SDK1: variants seen among roughly 807,000 people sequenced by gnomAD.
SDK1 encodes the protein sidekick cell adhesion molecule 1.
In SDK1, 157 loss-of-function variants were observed where a neutral mutation model predicts 245.5. The observed-to-expected ratio is 0.64, with a 90% CI of 0.56 to 0.73. The LOEUF (loss-of-function observed/expected upper bound fraction) is 0.73, where lower values mean the gene tolerates loss of function less well. SDK1 is among the 30% of genes least tolerant of loss of function. The pLI is 0.00. For synonymous variants in SDK1, 1,647 were observed against 1,278.5 expected (o/e 1.29, Z -6.15); for missense variants, 3,583 against 3,002.3 (o/e 1.19, Z -4.52).
At chr7:3,627,209 G>A (rs1475987168) in intron 2 of SDK1, among the ~76,000 whole-genome samples, 4 of 152,140 alleles carry the variant, frequency 2.6e-5, no homozygotes, top group Admixed American at 6.5e-5. Flanking sequence ...GATTACAGGC[G>A]TGAGCTGCCA....
In SDK1 at chr7:3,971,518, C is replaced by T; in HGVS notation, c.1767C>T (p.Thr589=). 2 of 1,613,712 alleles carry T rather than the reference C, an allele frequency of 1.2e-6. No homozygotes were observed. Among genetic ancestry groups the T allele is most frequent in the Non-Finnish European group, 1.7e-6 (2 of 1,179,860 alleles). ...AGGACCACGTGGTGATTAAGGGGAC[C>T]ACGGCCACGCTGCACTGTGGTGCCA... ...PPEDHVVIKG[T]TATLHCGATH... is the part of the protein sequence containing the mutation. Residue 589 remains threonine (T), a synonymous_variant, in exon 12 of 45, where the codon ACC becomes ACT. Coordinates refer to ENST00000404826, the MANE Select transcript of SDK1 (RefSeq NM_152744.4).
intron 4 of SDK1, among the ~76,000 whole-genome samples, chr7:3,728,900 C>A (rs1442627172): frequency 6.6e-6 from 1 of 151,956 alleles, no homozygotes; most frequent in African/African-American, 2.4e-5. Flanking sequence ...CCGCACTGGA[C>A]CAACAGTGGC....
At chr7:3,696,186 A>G (rs539640225) in intron 4 of SDK1, among the ~76,000 whole-genome samples, 6 of 151,982 alleles carry the variant, frequency 3.9e-5, no homozygotes, top group African/African-American at 1.4e-4. Flanking sequence ...CTTAAATCTT[A>G]TTGCCACTCT....
intron 19 of SDK1, among the ~76,000 whole-genome samples, chr7:4,057,068 G>C (rs1179079624): frequency 6.6e-6 from 1 of 152,160 alleles, no homozygotes; most frequent in Non-Finnish European, 1.5e-5. Context: ...GGCACCCTGA[G>C]GTCAGACTCT....
chr7:3,354,142 G>A (rs1045800597), intron 1 of SDK1, among the ~76,000 whole-genome samples: 10 of 151,770 alleles, frequency 6.6e-5, no homozygotes, highest in East Asian at 1.9e-4. Flanking sequence ...GGGACTGCAG[G>A]CACCCGCCAC....
intron 22 of SDK1, among the ~76,000 whole-genome samples, chr7:4,093,626 G>A (rs141339312): frequency 1.4e-3 from 217 of 152,320 alleles, no homozygotes; most frequent in Admixed American, 2.6e-3. Context: ...TGGAGCAGCC[G>A]GGCGCCCAGG....
chr7:3,670,348 A>G (rs979724993), intron 4 of SDK1, among the ~76,000 whole-genome samples: 2 of 152,186 alleles, frequency 1.3e-5, no homozygotes, highest in Admixed American at 6.5e-5. Context: ...GTCCAGCCAC[A>G]GCCACTTTGG....
At chr7:4,229,831 A>T (rs1390076225) in intron 40 of SDK1, among the ~76,000 whole-genome samples, 2 of 152,126 alleles carry the variant, frequency 1.3e-5, no homozygotes, top group African/African-American at 4.8e-5. Context: ...CAATATATAA[A>T]GCCCTTAAAA....
At chr7:3,665,102 T>C (rs951273897) in intron 4 of SDK1, among the ~76,000 whole-genome samples, 6 of 152,116 alleles carry the variant, frequency 3.9e-5, no homozygotes, top group Non-Finnish European at 5.9e-5. Flanking sequence ...TCTCTGGCTG[T>C]TGTTTTTCTG....
At chr7:3,490,373 A>C (rs1781830787) in intron 1 of SDK1, among the ~76,000 whole-genome samples, 1 of 152,148 alleles carries the variant, frequency 6.6e-6, no homozygotes, top group South Asian at 2.1e-4. Context: ...ACTTTTGAGG[A>C]AGGTGTATGA....
chr7:4,201,355 G>T (rs7789954), intron 35 of SDK1, among the ~76,000 whole-genome samples: 38,761 of 152,148 alleles, frequency 0.25, 5,245 homozygotes, highest in Non-Finnish European at 0.28. Flanking sequence ...GAAGGTAAAT[G>T]AGATCAGAGA....
intron 1 of SDK1, among the ~76,000 whole-genome samples, chr7:3,517,571 G>A (rs1028757191): frequency 1.3e-5 from 2 of 152,142 alleles, no homozygotes; most frequent in African/African-American, 4.8e-5. Context: ...AGGGAGCCAG[G>A]CACATATCAC....
At chr7:4,244,331 G>T (rs1334557802) in intron 43 of SDK1, among the ~76,000 whole-genome samples, 1 of 152,206 alleles carries the variant, frequency 6.6e-6, no homozygotes, top group Non-Finnish European at 1.5e-5. Context: ...TCCTGGACAT[G>T]GTCCCTTTGA....
chr7:4,083,068 T>TA (rs745542409), intron 22 of SDK1, among the ~76,000 whole-genome samples: 130 of 151,888 alleles, frequency 8.6e-4, no homozygotes, highest in East Asian at 5.8e-3. Flanking sequence ...CTCAAATTGT[T>TA]AAAAAAAAAT....
At chr7:3,900,810 T>C (rs1781762339) in intron 5 of SDK1, among the ~76,000 whole-genome samples, 1 of 152,276 alleles carries the variant, frequency 6.6e-6, no homozygotes, top group East Asian at 1.9e-4. Context: ...GCAGATTTGT[T>C]GCAGACATTC....
chr7:3,816,895 A>G (rs1357329575), intron 4 of SDK1, among the ~76,000 whole-genome samples: 1 of 152,126 alleles, frequency 6.6e-6, no homozygotes, highest in Non-Finnish European at 1.5e-5. Context: ...AATATTCTGC[A>G]TCTTCCTGCA....
At chr7:3,936,369 C>T (rs1780159269) in intron 5 of SDK1, among the ~76,000 whole-genome samples, 1 of 151,936 alleles carries the variant, frequency 6.6e-6, no homozygotes, top group Non-Finnish European at 1.5e-5. Context: ...ATCACAAGGT[C>T]AGGAGATCGA....
chr7:3,438,019 G>C (rs532687196), intron 1 of SDK1, among the ~76,000 whole-genome samples: 2 of 152,116 alleles, frequency 1.3e-5, no homozygotes, highest in Non-Finnish European at 2.9e-5. Context: ...GGGGCAAGTG[G>C]AATTATTCTG....
chr7:3,426,827 A>G (rs1779691526), intron 1 of SDK1, among the ~76,000 whole-genome samples: 1 of 152,202 alleles, frequency 6.6e-6, no homozygotes, highest in African/African-American at 2.4e-5. Flanking sequence ...ATTTTCTAAA[A>G]TGCAGATCTT....
Sources: gnomAD v4.1 joint callset for allele counts (sites outside exome capture counted in the v4.1 genomes callset) on GRCh38, gnomAD v4.1.1 for gene constraint, MANE v1.5 for transcripts, NCBI Gene and HGNC (gene_info 2026-07-23, HGNC 2026-07-21) for gene names.